JAG2: variants seen among roughly 807,000 people sequenced by gnomAD.
JAG2 encodes jagged canonical Notch ligand 2.
A neutral mutation model predicts 141.7 loss-of-function variants in JAG2; 46 were observed. That is an observed-to-expected ratio of 0.32 (90% CI 0.26 to 0.42). The LOEUF is 0.42. Among genes scored for constraint, JAG2 ranks in the 10% least tolerant of loss-of-function variants. The pLI, the probability that JAG2 is intolerant of heterozygous loss-of-function variation, is 1.00. For synonymous variants in JAG2, 862 were observed against 763.5 expected, an observed-to-expected ratio of 1.13 and a Z score of -2.13; for missense variants, 1,500 against 1,817.5, an observed-to-expected ratio of 0.83 and a Z score of 3.18.
rs1404591302 is a variant in JAG2, at chr14:105,148,652, C to T, written c.2020+93G>A. On this transcript the variant is annotated intron_variant, in intron 15 of 25. Coordinates refer to ENST00000331782, the MANE Select transcript of JAG2 (RefSeq NM_002226.5). ...TGGCCAGGCCTTTCTGGGTACGGGG[C>T]CTGCCGCACCCAGACAGCGGTCCAT... 2.5e-6 allele frequency: 3 copies of T among 1,185,992 alleles called. No homozygotes were observed. In the East Asian group the frequency reaches 7.7e-5, roughly 30 times the overall value. The allele number at this position is 1,185,992 out of a possible 1,614,324, so 73.5% of individuals were successfully genotyped here.
In JAG2 at chr14:105,154,698, A is replaced by AC. The variant is rs1888528845; in HGVS notation, c.788+863dup. ...ACTTTCCCGTCACCGCCTGAATGCC[A>AC]CCCCCCACAGGCCCCGCGTGGCGCA... On this transcript the variant is annotated intron_variant, in intron 5 of 25. Coordinates refer to ENST00000331782, the MANE Select transcript of JAG2 (RefSeq NM_002226.5). The surrounding 1 kb of genome is among the most constrained non-coding windows in gnomAD (Gnocchi z 4.4). Among the ~76,000 whole-genome samples the AC allele has an allele frequency of 6.7e-6, 1 of 149,854 alleles. No homozygotes were observed. Among genetic ancestry groups the AC allele is most frequent in the African/African-American group, 2.5e-5 (1 of 40,526 alleles).
chr14:105,143,085 G>A lies in JAG2; in HGVS notation c.3327C>T (p.Arg1109=). The A allele has an allele frequency of 6.2e-7, 1 of 1,600,342 alleles. No individual in the cohort carries two copies. The highest frequency in any genetic ancestry group is 8.5e-7 in the Non-Finnish European group (1 of 1,179,620). Residue 1109 remains arginine (R), a synonymous_variant, in exon 26 of 26, where the codon CGC becomes CGT. Coordinates refer to ENST00000331782, the MANE Select transcript of JAG2 (RefSeq NM_002226.5). ...VVLCVWWTRK[R]RKERERSRLP... ...GCCGGCTCCTCTCCCGCTCTTTCCT[G>A]CGCTTGCGTGTCCACCACACGCACA...
intron 2 of JAG2, among the ~76,000 whole-genome samples, chr14:105,161,060 CGAA>C (rs1888733260): frequency 6.6e-6 from 1 of 151,614 alleles, no homozygotes; most frequent in East Asian, 1.9e-4. Context: ...TGAGGCTAAG[CGAA>C]GTGGGTGACT....
At position 105,145,910 on chromosome 14, in the gene JAG2, G is replaced by A. The variant is rs766518139; in HGVS notation, c.2773C>T (p.Pro925Ser). 30 of 1,570,060 alleles carry A rather than the reference G, an allele frequency of 1.9e-5. No individual in the cohort carries two copies. In the East Asian group the frequency reaches 6.2e-4, roughly 32 times the overall value. ...TTCTCCAGGCACCTTTGCCCCAGTG[G>A]GCACTGGGCGCTCAGGGCCTCGGGC... ...GQPEALSAQC[P>S]LGQRCLEKAP... is the part of the protein sequence containing the mutation. Residue 925 changes from proline to serine, a missense_variant, in exon 23 of 26, where the codon CCA (proline) becomes TCA (serine). Physicochemically the swap from Pro to Ser is moderately conservative, Grantham distance 74. Around this residue, in one of 3 missense-constraint regions of JAG2, gnomAD observed 875 missense variants for 1,202.2 expected, o/e 0.73. Transcript: ENST00000331782.
At chr14:105,158,832 G>A (rs928758366) in intron 2 of JAG2, among the ~76,000 whole-genome samples, 1 of 152,048 alleles carries the variant, frequency 6.6e-6, no homozygotes, top group Admixed American at 6.5e-5. Flanking sequence ...GCGTTGGGCA[G>A]TGTCCAGGCA....
rs2239282 is a variant in JAG2 at position 105,167,162 on chromosome 14, G to A, written c.417+595C>T. Reference sequence around the variant, plus strand: ...ACAAAACCAAAAAAACCCACAAACAGGGCAGTGCCACAGAAGGTCACTGCA... The same window carrying A: ...ACAAAACCAAAAAAACCCACAAACAAGGCAGTGCCACAGAAGGTCACTGCA... On this transcript the variant is annotated intron_variant, in intron 2 of 25. Transcript: ENST00000331782. This position sits in a 1 kb window ranked among gnomAD's most constrained non-coding sequence, Gnocchi z 4.8. Among the ~76,000 whole-genome samples the A allele has an allele frequency of 0.5, 75,764 of 152,094 alleles. 19,123 individuals are homozygous for A. Among genetic ancestry groups the A allele is most frequent in the Middle Eastern group, 0.6 (176 of 292 alleles).
In JAG2 at chr14:105,145,842, C is replaced by A; in HGVS notation, c.2841G>T (p.Gly947=). 1 of 1,562,180 alleles carries A rather than the reference C, an allele frequency of 6.4e-7. No individual in the cohort carries two copies. Among genetic ancestry groups the A allele is most frequent in the Non-Finnish European group, 8.7e-7 (1 of 1,153,988 alleles). ...QCLRPPCEAW[G]ECGAEEPPST... is the part of the protein sequence containing the mutation. ...TCGGTGGCTCTTCTGCGCCGCACTC[C>A]CCCCAGGCCTCACAGGGTGGTCGCA... Residue 947 remains glycine (G), a synonymous_variant, in exon 23 of 26, where the codon GGG becomes GGT. Coordinates refer to ENST00000331782, the MANE Select transcript of JAG2 (RefSeq NM_002226.5).
At chr14:105,165,576 A>G (rs1888884399) in intron 2 of JAG2, among the ~76,000 whole-genome samples, 1 of 152,194 alleles carries the variant, frequency 6.6e-6, no homozygotes, top group Non-Finnish European at 1.5e-5. Flanking sequence ...TCCATGACTA[A>G]TAGCACACAG....
intron 14 of JAG2, 29 bp downstream of exon 14, chr14:105,148,908 C>G: frequency 6.3e-7 from 1 of 1,596,592 alleles, no homozygotes; most frequent in Middle Eastern, 1.7e-4. Context: ...CCCAGCCCCA[C>G]CACCAGCCCG....
At chr14:105,153,054 C>T (rs1050673512) in intron 5 of JAG2, among the ~76,000 whole-genome samples, 3 of 152,210 alleles carry the variant, frequency 2.0e-5, no homozygotes, top group African/African-American at 4.8e-5. Flanking sequence ...TGCAACGACC[C>T]CAAGGCTCAG....
chr14:105,163,439 C>T (rs1401530761), intron 2 of JAG2, among the ~76,000 whole-genome samples: 2 of 152,160 alleles, frequency 1.3e-5, no homozygotes, highest in South Asian at 2.1e-4. Context: ...GGTCCCCCAC[C>T]GTGAAGACGG....
At chr14:105,144,426 C>T (rs1888160997) in intron 24 of JAG2, among the ~76,000 whole-genome samples, 1 of 152,184 alleles carries the variant, frequency 6.6e-6, no homozygotes. Flanking sequence ...TGGCCTCCAC[C>T]AGCCACACTG....
chr14:105,149,090 C>T lies in JAG2; in HGVS notation c.1754-1G>A. Reference sequence around the variant, plus strand: ...GCGTCTGACCCGCAGCCATCGATCACTATGGCAGGCAGTACAGTCAGGAGT... The same window carrying T: ...GCGTCTGACCCGCAGCCATCGATCATTATGGCAGGCAGTACAGTCAGGAGT... On this transcript the variant is annotated splice_acceptor_variant, in intron 13 of 25. Transcript: ENST00000331782. LOFTEE classifies it high-confidence loss of function. 1 of 1,607,870 alleles carries T rather than the reference C, an allele frequency of 6.2e-7. No individual in the cohort carries two copies. Among genetic ancestry groups the T allele is most frequent in the Non-Finnish European group, 8.5e-7 (1 of 1,178,278 alleles).
intron 2 of JAG2, among the ~76,000 whole-genome samples, chr14:105,164,335 AG>A (rs766942240): frequency 2.8e-4 from 42 of 152,128 alleles, no homozygotes; most frequent in Non-Finnish European, 4.6e-4. Context: ...AGTTCTCCCC[AG>A]GGCTCTGGGC....
At chr14:105,143,272 G>C in intron 25 of JAG2, 102 bp from the exon 26 acceptor site, 1 of 1,410,532 alleles carries the variant, frequency 7.1e-7, no homozygotes, top group Non-Finnish European at 9.7e-7. Flanking sequence ...CCAGGCGGCC[G>C]GGCCCCACCC....
intron 2 of JAG2, among the ~76,000 whole-genome samples, chr14:105,161,680 C>G (rs1251999476): frequency 1.3e-5 from 2 of 152,206 alleles, no homozygotes; most frequent in African/African-American, 4.8e-5. Context: ...GCTCTCCCAG[C>G]TCCCCTTCTT....
intron 1 of JAG2, 39 bp from the exon 2 acceptor site, chr14:105,168,146 G>A: frequency 6.9e-7 from 1 of 1,442,702 alleles, no homozygotes; most frequent in East Asian, 3.0e-5. Flanking sequence ...GGAGGCGCGG[G>A]CCGGGGTCGG....
intron 22 of JAG2, 75 bp from the exon 23 acceptor site, chr14:105,146,048 A>C (rs1888213466): frequency 6.5e-7 from 1 of 1,546,696 alleles, no homozygotes; most frequent in Non-Finnish European, 8.7e-7. Flanking sequence ...ATGAGAACCC[A>C]CAGGCAGGCA....
rs1888968533 is a variant in JAG2, at chr14:105,167,834, G to T, written c.340C>A (p.Arg114=). The T allele has an allele frequency of 1.4e-6, 2 of 1,477,506 alleles. No individual in the cohort carries two copies. Among genetic ancestry groups the T allele is most frequent in the Non-Finnish European group, 1.8e-6 (2 of 1,121,426 alleles). 91.5% of individuals were successfully genotyped at this position (1,477,506 alleles called of 1,614,324 possible). ...CCGGCCCGGGCCCGCGCCCGCGCTCGGTCCCCCGCAGCGCCCGCCGGCGGC... is the reference window on the plus strand; with the variant it reads ...CCGGCCCGGGCCCGCGCCCGCGCTCTGTCCCCCGCAGCGCCCGCCGGCGGC... ...YLPPAGAAGD[R]ARARARAGGD... is the part of the protein sequence containing the mutation. The change falls in exon 2 of 26, where the codon CGA becomes AGA. Residue 114 remains arginine, a synonymous_variant. Coordinates refer to ENST00000331782, the MANE Select transcript of JAG2 (RefSeq NM_002226.5). This position sits in a 1 kb window ranked among gnomAD's most constrained non-coding sequence, Gnocchi z 4.8.
Sources: gnomAD v4.1 joint callset for allele counts (sites outside exome capture counted in the v4.1 genomes callset) on GRCh38, gnomAD v4.1.1 for gene constraint, gnomAD v4.1.1 regional missense constraint, Gnocchi (gnomAD v3.1) non-coding constraint, MANE v1.5 for transcripts, NCBI Gene and HGNC (gene_info 2026-07-23, HGNC 2026-07-21) for gene names.